The following ATRNL1 variants were observed in gnomAD, a reference collection of about 807,000 sequenced individuals.
The protein encoded by ATRNL1 is attractin like 1, also known as attractin-like protein 1.
ATRNL1 carries 95 observed loss-of-function variants against 182.7 expected under a neutral mutation model. The ratio of observed to expected loss-of-function variants is 0.52; its 90% confidence interval spans 0.44 to 0.62. The LOEUF (loss-of-function observed/expected upper bound fraction) is 0.62. Among genes scored for constraint, ATRNL1 ranks in the 20% least tolerant of loss-of-function variants. The pLI is 0.00. For missense variants in ATRNL1, 1,471 were observed against 1,679.5 expected (o/e 0.88, Z 2.17); for synonymous variants, 576 against 568.3 (o/e 1.01, Z -0.19).
intron 28 of ATRNL1, among the ~76,000 whole-genome samples, chr10:115,876,240 C>T (rs1951697178): frequency 6.7e-6 from 1 of 148,730 alleles, no homozygotes; most frequent in African/African-American, 2.4e-5. Flanking sequence ...AAGACACTTA[C>T]CCTTTCTCAG....
At chr10:115,234,673 C>T (rs1850101163) in intron 9 of ATRNL1, among the ~76,000 whole-genome samples, 1 of 150,476 alleles carries the variant, frequency 6.6e-6, no homozygotes. Flanking sequence ...TCACTGCAAC[C>T]TCCACTTCCC....
At chr10:115,183,751 A>G (rs1349740305) in intron 8 of ATRNL1, among the ~76,000 whole-genome samples, 4 of 151,572 alleles carry the variant, frequency 2.6e-5, no homozygotes, top group African/African-American at 7.2e-5. Context: ...GATAGTCTCA[A>G]TGCTATGTAG....
chr10:115,830,668 A>T (rs1555093341), intron 27 of ATRNL1, among the ~76,000 whole-genome samples: 1 of 152,132 alleles, frequency 6.6e-6, no homozygotes, highest in Non-Finnish European at 1.5e-5. Flanking sequence ...CAGAGGTGTG[A>T]GTGTTTTTGC....
At chr10:115,509,742 A>G (rs1240294710) in intron 24 of ATRNL1, among the ~76,000 whole-genome samples, 3 of 152,000 alleles carry the variant, frequency 2.0e-5, no homozygotes, top group African/African-American at 7.2e-5. Context: ...TAAGTACAAT[A>G]ACCATTTGGC....
intron 26 of ATRNL1, among the ~76,000 whole-genome samples, chr10:115,634,059 G>A (rs1858703301): frequency 6.6e-6 from 1 of 152,014 alleles, no homozygotes; most frequent in East Asian, 1.9e-4. Context: ...TAAAAAATAA[G>A]TGTTATATGT....
intron 28 of ATRNL1, among the ~76,000 whole-genome samples, chr10:115,906,663 A>G (rs17093761): frequency 0.024 from 3,700 of 152,236 alleles, 135 homozygotes; most frequent in African/African-American, 0.083. Context: ...AGAATTGACT[A>G]CTTTCTTCAA....
intron 26 of ATRNL1, among the ~76,000 whole-genome samples, chr10:115,665,667 T>A (rs542469320): frequency 6.6e-6 from 1 of 152,282 alleles, no homozygotes; most frequent in Non-Finnish European, 1.5e-5. Context: ...ACTAAATAAA[T>A]GTTAGAAATC....
rs1554988650 is a variant in ATRNL1 at position 115,532,442 on chromosome 10, A to G, written c.3716+13118A>G. Among the ~76,000 whole-genome samples the G allele has an allele frequency of 3.9e-5, 6 of 152,256 alleles. No homozygotes were observed. The East Asian group carries it at 9.7e-4, about 25-fold the overall frequency. On this transcript the variant is annotated intron_variant, in intron 25 of 28. Transcript: ENST00000355044. ...TTGGCTCTCTATCTGTTATTAGTGTATAAGAATGCTTGTGATTTTTGTACA... is the reference window on the plus strand; with the variant it reads ...TTGGCTCTCTATCTGTTATTAGTGTGTAAGAATGCTTGTGATTTTTGTACA...
intron 5 of ATRNL1, among the ~76,000 whole-genome samples, chr10:115,144,312 T>C (rs139678226): frequency 0.015 from 2,252 of 152,176 alleles, 50 homozygotes; most frequent in African/African-American, 0.05. Context: ...CATGCCCGTC[T>C]AATTTTTTGT....
At chr10:115,803,686 A>T (rs1457195807) in intron 27 of ATRNL1, among the ~76,000 whole-genome samples, 1 of 151,970 alleles carries the variant, frequency 6.6e-6, no homozygotes, top group Non-Finnish European at 1.5e-5. Context: ...ATCCTAGTGA[A>T]ATTCTCACTA....
At chr10:115,359,565 T>C (rs1430437588) in intron 19 of ATRNL1, among the ~76,000 whole-genome samples, 1 of 151,562 alleles carries the variant, frequency 6.6e-6, no homozygotes, top group Admixed American at 6.6e-5. Flanking sequence ...ATATTTGCTC[T>C]GAATGAGAAT....
At chr10:115,338,314 C>T (rs1324356923) in intron 19 of ATRNL1, among the ~76,000 whole-genome samples, 1 of 152,156 alleles carries the variant, frequency 6.6e-6, no homozygotes, top group African/African-American at 2.4e-5. Context: ...AACCTTCAAA[C>T]TTTTCTCCAT....
intron 5 of ATRNL1, among the ~76,000 whole-genome samples, chr10:115,149,381 A>T (rs576619030): frequency 2.0e-5 from 3 of 151,708 alleles, no homozygotes; most frequent in South Asian, 2.1e-4. Flanking sequence ...GTTTTTTTTT[A>T]AAAGGAAATT....
intron 22 of ATRNL1, among the ~76,000 whole-genome samples, chr10:115,464,483 A>T (rs1554970409): frequency 6.6e-6 from 1 of 151,942 alleles, no homozygotes. Context: ...TGATTTTATC[A>T]CTTACTGGAA....
At chr10:115,102,717 G>A (rs1242379782) in intron 1 of ATRNL1, among the ~76,000 whole-genome samples, 1 of 152,164 alleles carries the variant, frequency 6.6e-6, no homozygotes, top group Non-Finnish European at 1.5e-5. Context: ...AAAATGCTAA[G>A]ATTAGTATAT....
At chr10:115,692,340 A>G (rs1237490389) in intron 26 of ATRNL1, among the ~76,000 whole-genome samples, 1 of 152,152 alleles carries the variant, frequency 6.6e-6, no homozygotes, top group Admixed American at 6.6e-5. Context: ...GAGTTCAGGA[A>G]TAATGATTAG....
intron 26 of ATRNL1, among the ~76,000 whole-genome samples, chr10:115,695,284 A>T (rs1946523567): frequency 6.6e-6 from 1 of 152,184 alleles, no homozygotes; most frequent in South Asian, 2.1e-4. Context: ...AAATTCAAGG[A>T]GCCATTATCA....
intron 19 of ATRNL1, among the ~76,000 whole-genome samples, chr10:115,337,018 TA>T (rs1554936940): frequency 6.7e-6 from 1 of 148,434 alleles, no homozygotes; most frequent in African/African-American, 2.5e-5. Context: ...CATGCCTAGC[TA>T]ATTTTTTTTT....
intron 27 of ATRNL1, among the ~76,000 whole-genome samples, chr10:115,756,281 G>C (rs1215437063): frequency 1.3e-5 from 2 of 152,050 alleles, no homozygotes; most frequent in African/African-American, 2.4e-5. Flanking sequence ...GATCTTTCCT[G>C]CTTTCTCTTG....
Sources: gnomAD v4.1 joint callset for allele counts (sites outside exome capture counted in the v4.1 genomes callset) on GRCh38, gnomAD v4.1.1 for gene constraint, MANE v1.5 for transcripts, NCBI Gene and HGNC (gene_info 2026-07-23, HGNC 2026-07-21) for gene names.